Variants in DLGAP1 observed in about 807,000 individuals in gnomAD.
DLGAP1 encodes the protein disks large-associated protein 1.
Under a neutral mutation model 90.8 loss-of-function variants are expected in DLGAP1, and 11 were observed. The ratio of observed to expected loss-of-function variants is 0.12; its 90% CI spans 0.08 to 0.20. DLGAP1 has a LOEUF of 0.20. Ranked by LOEUF, DLGAP1 falls within the 10% of genes least tolerant of loss-of-function variation. DLGAP1 has a pLI of 1.00. For synonymous variants in DLGAP1, 558 were observed against 540.7 expected (o/e 1.03, Z -0.44); for missense variants, 1,050 against 1,333.8 (o/e 0.79, Z 3.31).
chr18:3,984,799 T>A (rs9303934), intron 3 of DLGAP1, among the ~76,000 whole-genome samples: 3 of 151,810 alleles, frequency 2.0e-5, no homozygotes, highest in Non-Finnish European at 2.9e-5. Context: ...ATCTTTCCCC[T>A]GTTAATCCAT....
At chr18:3,635,099 T>C (rs547732346) in intron 7 of DLGAP1, among the ~76,000 whole-genome samples, 3 of 151,804 alleles carry the variant, frequency 2.0e-5, no homozygotes, top group Admixed American at 6.6e-5. Flanking sequence ...AAGTTTCATA[T>C]ACAAACTAGT....
intron 3 of DLGAP1, among the ~76,000 whole-genome samples, chr18:3,915,944 A>T (rs1055419148): frequency 3.7e-4 from 56 of 152,168 alleles, no homozygotes; most frequent in Non-Finnish European, 1.2e-4. Flanking sequence ...TATAAAGTAA[A>T]AGTCAATGAA....
At chr18:3,955,286 C>G (rs2073062431) in intron 3 of DLGAP1, among the ~76,000 whole-genome samples, 1 of 152,076 alleles carries the variant, frequency 6.6e-6, no homozygotes, top group East Asian at 1.9e-4. Flanking sequence ...AAAAGCAAGA[C>G]CCAAAAAGAT....
chr18:4,064,941 A>C (rs4410175), intron 2 of DLGAP1, among the ~76,000 whole-genome samples: 67,092 of 151,916 alleles, frequency 0.44, 15,742 homozygotes, highest in African/African-American at 0.6. Context: ...AAAATACTGA[A>C]AAATCAAATC....
chr18:4,241,097 A>G (rs578133807), intron 1 of DLGAP1, among the ~76,000 whole-genome samples: 9 of 152,312 alleles, frequency 5.9e-5, no homozygotes, highest in East Asian at 1.9e-4. Context: ...AGCCAAAACA[A>G]TAAGTTACCC....
intron 3 of DLGAP1, chr18:3,891,797 T>G (rs769854929): frequency 6.6e-6 from 1 of 152,018 alleles, no homozygotes; most frequent in Non-Finnish European, 1.5e-5. Flanking sequence ...AGAGAGAAGA[T>G]CTCACTCTGA....
At chr18:3,752,309 A>C (rs2063531600) in intron 5 of DLGAP1, among the ~76,000 whole-genome samples, 1 of 152,116 alleles carries the variant, frequency 6.6e-6, no homozygotes, top group Non-Finnish European at 1.5e-5. Flanking sequence ...TGAATTTTAG[A>C]ACATTTTCAT....
chr18:4,025,791 T>C (rs1411538531), intron 2 of DLGAP1, among the ~76,000 whole-genome samples: 1 of 152,194 alleles, frequency 6.6e-6, no homozygotes, highest in Non-Finnish European at 1.5e-5. Context: ...TACACATATA[T>C]AAAATTGTTT....
At chr18:3,665,068 A>T (rs12606332) in intron 7 of DLGAP1, among the ~76,000 whole-genome samples, 1 of 152,192 alleles carries the variant, frequency 6.6e-6, no homozygotes, top group East Asian at 1.9e-4. Context: ...AAGAGGAAGC[A>T]CAAGAGAGCC....
At chr18:4,086,428 C>T (rs2075681624) in intron 2 of DLGAP1, among the ~76,000 whole-genome samples, 1 of 152,206 alleles carries the variant, frequency 6.6e-6, no homozygotes, top group Non-Finnish European at 1.5e-5. Flanking sequence ...ATTCAATTCA[C>T]ATCAGCATAT....
chr18:3,705,235 T>C (rs2061396673), intron 7 of DLGAP1, among the ~76,000 whole-genome samples: 1 of 152,124 alleles, frequency 6.6e-6, no homozygotes, highest in Non-Finnish European at 1.5e-5. Context: ...CTGAAAGGAC[T>C]CTAAAATAAA....
intron 11 of DLGAP1, among the ~76,000 whole-genome samples, chr18:3,506,107 G>A (rs913417545): frequency 9.9e-5 from 15 of 152,052 alleles, no homozygotes; most frequent in East Asian, 5.8e-4. Flanking sequence ...GTGTGGTGGC[G>A]GGTGCCTGTA....
At chr18:4,083,898 G>A (rs564204265) in intron 2 of DLGAP1, among the ~76,000 whole-genome samples, 1 of 152,236 alleles carries the variant, frequency 6.6e-6, no homozygotes, top group South Asian at 2.1e-4. Context: ...TTAGCTCAAT[G>A]AGACCCTCTG....
intron 10 of DLGAP1, among the ~76,000 whole-genome samples, chr18:3,525,535 G>A (rs957389399): frequency 3.9e-5 from 6 of 152,108 alleles, no homozygotes; most frequent in African/African-American, 1.4e-4. Context: ...GAGTAGCTGG[G>A]ATTACATGCA....
intron 1 of DLGAP1, among the ~76,000 whole-genome samples, chr18:4,341,385 A>G (rs77311191): frequency 0.011 from 1,706 of 152,274 alleles, 25 homozygotes; most frequent in African/African-American, 0.039. Flanking sequence ...AAACAAGACA[A>G]TTGGATTATC....
intron 2 of DLGAP1, among the ~76,000 whole-genome samples, chr18:4,054,311 T>C (rs1284315772): frequency 6.6e-6 from 1 of 152,186 alleles, no homozygotes; most frequent in Non-Finnish European, 1.5e-5. Context: ...CTTTTAGAAT[T>C]GATTTTTTTT....
chr18:4,011,822 T>C (rs1046866257), intron 2 of DLGAP1, among the ~76,000 whole-genome samples: 2 of 151,906 alleles, frequency 1.3e-5, no homozygotes, highest in Non-Finnish European at 2.9e-5. Context: ...GGTGTGAACA[T>C]GACCCTGTCT....
intron 2 of DLGAP1, among the ~76,000 whole-genome samples, chr18:4,085,038 G>A (rs904804635): frequency 7.9e-5 from 12 of 152,084 alleles, no homozygotes; most frequent in African/African-American, 2.9e-4. Flanking sequence ...GAGGTTTTCT[G>A]TACTTCTGTG....
Position 3,897,990 on chromosome 18 carries a change from T to G in DLGAP1, c.-72-17850A>C, listed in dbSNP as rs571359104. ...TTTGTATTTTTAGTAGAGACGGGGTTTCACCTTGTTAGCCAGGATGGTCTC... is the reference window on the plus strand; with the variant it reads ...TTTGTATTTTTAGTAGAGACGGGGTGTCACCTTGTTAGCCAGGATGGTCTC... On this transcript the variant is annotated intron_variant, in intron 3 of 12. Coordinates refer to ENST00000315677, the MANE Select transcript of DLGAP1 (RefSeq NM_004746.4). Among the ~76,000 whole-genome samples, 324 of 151,988 alleles carry G rather than the reference T, an allele frequency of 2.1e-3. 1 individual carries two copies. Among genetic ancestry groups the G allele is most frequent in the African/African-American group, 7.5e-3 (313 of 41,478 alleles).
Sources: allele counts gnomAD v4.1 joint callset (sites outside exome capture counted in the v4.1 genomes callset), GRCh38; gene constraint gnomAD v4.1.1; transcripts MANE v1.5; gene names NCBI Gene and HGNC (gene_info 2026-07-23, HGNC 2026-07-21).